The following DGKB variants were observed in gnomAD, a reference collection of about 807,000 sequenced individuals.
The protein encoded by DGKB is diacylglycerol kinase beta, also known as 90 kDa diacylglycerol kinase.
A neutral mutation model predicts 114.3 loss-of-function variants in DGKB; 67 were observed. The ratio of observed to expected loss-of-function variants is 0.59; its 90% CI spans 0.48 to 0.72. The LOEUF is 0.72. DGKB is among the 30% of genes least tolerant of loss of function. The pLI is 0.00. For synonymous variants in DGKB, 398 were observed against 323.1 expected (o/e 1.23, Z -2.49); for missense variants, 907 against 975.2 (o/e 0.93, Z 0.93).
At chr7:14,185,566 A>G (rs1158764098) in intron 23 of DGKB, among the ~76,000 whole-genome samples, 2 of 152,156 alleles carry the variant, frequency 1.3e-5, no homozygotes, top group African/African-American at 2.4e-5. Context: ...ACAAAGCAAG[A>G]CTAAGCAAAA....
At chr7:14,782,418 A>C (rs1212606159) in intron 2 of DGKB, among the ~76,000 whole-genome samples, 2 of 152,194 alleles carry the variant, frequency 1.3e-5, no homozygotes, top group African/African-American at 4.8e-5. Flanking sequence ...TTGGAAAAAA[A>C]ACTTTCACCC....
At chr7:14,686,310 A>G (rs1329394140) in intron 9 of DGKB, among the ~76,000 whole-genome samples, 2 of 152,172 alleles carry the variant, frequency 1.3e-5, no homozygotes, top group Admixed American at 6.5e-5. Context: ...TGAACTCCTT[A>G]CAAGAAGGTC....
intron 7 of DGKB, among the ~76,000 whole-genome samples, chr7:14,699,267 A>C (rs1270499587): frequency 6.6e-6 from 1 of 152,210 alleles, no homozygotes; most frequent in Non-Finnish European, 1.5e-5. Context: ...AAAAGTGTGC[A>C]TGTGTATGCA....
At chr7:14,507,714 C>T (rs1450296336) in intron 20 of DGKB, among the ~76,000 whole-genome samples, 2 of 152,144 alleles carry the variant, frequency 1.3e-5, no homozygotes, top group Non-Finnish European at 2.9e-5. Context: ...TTGCAGCATT[C>T]TATGTACTAT....
At chr7:14,899,076 T>C (rs1454636220) in intron 1 of DGKB, among the ~76,000 whole-genome samples, 1 of 152,162 alleles carries the variant, frequency 6.6e-6, no homozygotes. Flanking sequence ...CACTTTATTC[T>C]TTGTTAGTGT....
At chr7:14,647,467 C>T (rs1813285669) in intron 13 of DGKB, among the ~76,000 whole-genome samples, 1 of 152,156 alleles carries the variant, frequency 6.6e-6, no homozygotes. Context: ...GACCATACTT[C>T]TTAATTCACT....
At chr7:14,926,811 T>C (rs1361286032) in intron 1 of DGKB, among the ~76,000 whole-genome samples, 2 of 152,032 alleles carry the variant, frequency 1.3e-5, no homozygotes, top group Non-Finnish European at 2.9e-5. Context: ...TCTTTTTTTG[T>C]GTTTTGTAAG....
At chr7:14,828,849 T>C (rs988241515) in intron 2 of DGKB, among the ~76,000 whole-genome samples, 10 of 152,232 alleles carry the variant, frequency 6.6e-5, no homozygotes, top group African/African-American at 2.2e-4. Flanking sequence ...TAACACTCAG[T>C]AGTCTGAATG....
At chr7:14,780,996 T>C (rs1163794428) in intron 2 of DGKB, among the ~76,000 whole-genome samples, 2 of 152,218 alleles carry the variant, frequency 1.3e-5, no homozygotes, top group African/African-American at 2.4e-5. Context: ...ACTTCTTATT[T>C]TGATGTTTCT....
At chr7:14,709,683 G>T (rs1004265270) in intron 6 of DGKB, among the ~76,000 whole-genome samples, 10 of 146,578 alleles carry the variant, frequency 6.8e-5, no homozygotes, top group Admixed American at 1.4e-4. Context: ...GGATGAAATT[G>T]GAAATCATCA....
intron 25 of DGKB, among the ~76,000 whole-genome samples, chr7:14,149,877 G>C (rs968237671): frequency 3.3e-5 from 5 of 152,134 alleles, no homozygotes; most frequent in Admixed American, 1.3e-4. Flanking sequence ...AAAACACTTT[G>C]AGAGACTGTT....
At chr7:14,177,409 G>A (rs1305849312) in intron 24 of DGKB, among the ~76,000 whole-genome samples, 3 of 151,834 alleles carry the variant, frequency 2.0e-5, no homozygotes, top group African/African-American at 4.8e-5. Flanking sequence ...ACAAAAATTA[G>A]CCAGGATGTG....
intron 23 of DGKB, among the ~76,000 whole-genome samples, chr7:14,331,087 A>T (rs1181520039): frequency 6.6e-6 from 1 of 152,004 alleles, no homozygotes. Flanking sequence ...CTTATTAAGC[A>T]TATGCTATTA....
chr7:14,242,037 T>C (rs1216297763), intron 23 of DGKB, among the ~76,000 whole-genome samples: 1 of 152,126 alleles, frequency 6.6e-6, no homozygotes, highest in African/African-American at 2.4e-5. Context: ...AACACATTTA[T>C]ATTGAAAGGT....
At chr7:14,696,411 AGT>A (rs1183705373) in intron 8 of DGKB, among the ~76,000 whole-genome samples, 1 of 139,368 alleles carries the variant, frequency 7.2e-6, no homozygotes, top group Non-Finnish European at 1.5e-5. Context: ...AGGAGAATGG[AGT>A]GAACCCGGGA....
intron 21 of DGKB, among the ~76,000 whole-genome samples, chr7:14,390,659 T>C (rs1323957068): frequency 6.6e-6 from 1 of 152,184 alleles, no homozygotes; most frequent in Non-Finnish European, 1.5e-5. Flanking sequence ...ATTTATGGTA[T>C]CCAAGACATT....
intron 20 of DGKB, among the ~76,000 whole-genome samples, chr7:14,490,541 T>C (rs9654936): frequency 0.46 from 69,838 of 151,798 alleles, 16,450 homozygotes; most frequent in Admixed American, 0.53. Flanking sequence ...CACCCTTCAT[T>C]ACCACCACCT....
intron 20 of DGKB, among the ~76,000 whole-genome samples, chr7:14,565,965 T>G (rs549116066): frequency 5.6e-4 from 86 of 152,292 alleles, no homozygotes; most frequent in Non-Finnish European, 9.8e-4. Context: ...CAGACTATTG[T>G]CTAGCAAATC....
At chr7:14,547,119 A>G (rs1485827318) in intron 20 of DGKB, among the ~76,000 whole-genome samples, 1 of 152,160 alleles carries the variant, frequency 6.6e-6, no homozygotes, top group African/African-American at 2.4e-5. Context: ...TTAAAGGTCA[A>G]AATCCTTTTC....
Sources: gnomAD v4.1 joint callset for allele counts (sites outside exome capture counted in the v4.1 genomes callset) on GRCh38, gnomAD v4.1.1 for gene constraint, MANE v1.5 for transcripts, NCBI Gene and HGNC (gene_info 2026-07-23, HGNC 2026-07-21) for gene names.